INIP: variants seen among roughly 807,000 people sequenced by gnomAD.
The protein encoded by INIP is INTS3 and NABP interacting protein.
In INIP, 9 loss-of-function variants were observed where a neutral mutation model predicts 14.0. The ratio of observed to expected loss-of-function variants is 0.64; its 90% CI spans 0.39 to 1.12. The LOEUF (loss-of-function observed/expected upper bound fraction) is 1.12. Among genes scored for constraint, INIP ranks in the 50% most tolerant of loss-of-function variants. The pLI, the probability that INIP is intolerant of heterozygous loss-of-function variation, is 0.01. For missense variants in INIP, 78 were observed against 122.7 expected (o/e 0.64, Z 1.72); for synonymous variants, 37 against 41.5 (o/e 0.89, Z 0.41).
At chr9:112,717,336 T>C (rs1838856926) in intron 1 of INIP, among the ~76,000 whole-genome samples, 1 of 152,186 alleles carries the variant, frequency 6.6e-6, no homozygotes, top group African/African-American at 2.4e-5. Flanking sequence ...AGTTCCTTTA[T>C]TTATTTATCA....
rs1317357624 is a variant in INIP, at chr9:112,686,587, C to T, written c.*951G>A. ...TCTCAGCTCACTGCAACCCCTGCCT[C>T]CCAGGTTCAAGCGATTCTCCTGCCT... On this transcript the variant is annotated 3_prime_UTR_variant, in exon 5 of 5. Coordinates refer to ENST00000374242, the MANE Select transcript of INIP (RefSeq NM_021218.3). 1 of 152,276 alleles carries T rather than the reference C, an allele frequency of 6.6e-6. No individual in the cohort carries two copies. The highest frequency in any genetic ancestry group is 1.5e-5 in the Non-Finnish European group (1 of 68,104). 9.4% of individuals were successfully genotyped at this position (152,276 alleles called of 1,614,324 possible).
chr9:112,709,322 G>A (rs968825606), intron 2 of INIP, among the ~76,000 whole-genome samples: 1 of 152,040 alleles, frequency 6.6e-6, no homozygotes, highest in African/African-American at 2.4e-5. Flanking sequence ...GCGCCCAGTG[G>A]TTTCCTATCA....
chr9:112,700,588 T>C (rs950597978), intron 2 of INIP, among the ~76,000 whole-genome samples: 21 of 148,228 alleles, frequency 1.4e-4, no homozygotes, highest in Non-Finnish European at 2.5e-4. Flanking sequence ...GAATATTATA[T>C]AAACATAACT....
In INIP at chr9:112,687,648, A is replaced by T. The variant is rs1242592993; in HGVS notation, c.220-15T>A. The stretch of plus-strand genomic sequence containing the variant: ...GCATGAGCATGCTGGGAAAGATTAA[A>T]AACAAAAAGGCAATTAAGCTATTAA... On this transcript the variant is annotated splice_polypyrimidine_tract_variant and intron_variant, in intron 4 of 4. Coordinates refer to ENST00000374242, the MANE Select transcript of INIP (RefSeq NM_021218.3). 4 of 1,459,834 alleles carry T rather than the reference A, an allele frequency of 2.7e-6. No homozygotes were observed. In the South Asian group the frequency reaches 5.3e-5, roughly 19 times the overall value. 90.4% of individuals were successfully genotyped at this position (1,459,834 alleles called of 1,614,324 possible).
chr9:112,686,425 G>C lies in INIP; in HGVS notation c.*1113C>G, dbSNP rs569276886. On this transcript the variant is annotated 3_prime_UTR_variant, in exon 5 of 5. Coordinates refer to ENST00000374242, the MANE Select transcript of INIP (RefSeq NM_021218.3). ...AGCACCCCAGATACTGCTAAAGATG[G>C]GTCATGTTGAGAGACTTTCTTAACC... is the stretch of plus-strand genomic sequence containing the variant. 6.6e-6 allele frequency: 1 copy of C among 152,112 alleles called. No individual in the cohort carries two copies. Among genetic ancestry groups the C allele is most frequent in the Non-Finnish European group, 1.5e-5 (1 of 68,022 alleles). 9.4% of individuals were successfully genotyped at this position (152,112 alleles called of 1,614,324 possible). A position where few individuals can be genotyped will look rare whatever the true frequency, so the allele number is the denominator to read the frequency against.
At chr9:112,703,132 T>G (rs147962621) in intron 2 of INIP, among the ~76,000 whole-genome samples, 13 of 152,264 alleles carry the variant, frequency 8.5e-5, no homozygotes, top group African/African-American at 3.1e-4. Context: ...GCCAAGAACT[T>G]TGCCAACTAG....
intron 2 of INIP, among the ~76,000 whole-genome samples, chr9:112,698,303 CAAAAAA>C (rs755265359): frequency 2.5e-4 from 11 of 43,674 alleles, no homozygotes; most frequent in South Asian, 2.3e-3. Flanking sequence ...GACTCTGTCT[CAAAAAA>C]AAAAAAAAAA....
rs1837997130 is a variant in INIP at position 112,694,159 on chromosome 9, G to A, written c.100C>T (p.Gln34Ter). ...KEKRKLLMQN[Q>*]SSTNHPGASI... Reference sequence around the variant, plus strand: ...GCTCCAGGATGATTTGTTGAAGACTGGTTCTGCATAAGTAGTTTTCTTTTC... The same window carrying A: ...GCTCCAGGATGATTTGTTGAAGACTAGTTCTGCATAAGTAGTTTTCTTTTC... Residue 34 changes from glutamine to a stop codon, truncating the protein, a stop_gained, in exon 3 of 5, where the codon CAG becomes TAG. Transcript: ENST00000374242. LOFTEE classifies it high-confidence loss of function. 6.2e-7 allele frequency: 1 copy of A among 1,609,102 alleles called. No homozygotes were observed. The highest frequency in any genetic ancestry group is 8.5e-7 in the Non-Finnish European group (1 of 1,177,430).
intron 2 of INIP, among the ~76,000 whole-genome samples, chr9:112,703,135 C>T (rs192546704): frequency 1.4e-4 from 22 of 152,142 alleles, no homozygotes; most frequent in Middle Eastern, 3.4e-3. Context: ...AAGAACTTTG[C>T]CAACTAGTGA....
Position 112,701,023 on chromosome 9 carries a change from T to C in INIP, c.26-6790A>G, listed in dbSNP as rs923411862. Among the ~76,000 whole-genome samples, 5 of 152,166 alleles carry C rather than the reference T, an allele frequency of 3.3e-5. 1 individual carries two copies. Among genetic ancestry groups the C allele is most frequent in the Admixed American group, 1.3e-4 (2 of 15,268 alleles). On this transcript the variant is annotated intron_variant, in intron 2 of 4. Coordinates refer to ENST00000374242, the MANE Select transcript of INIP (RefSeq NM_021218.3). Reference sequence around the variant, plus strand: ...ACTGTTAGTCAACTATATATTAATATGGTTATAAAAGCAGCCCACTGGCCA... The same window carrying C: ...ACTGTTAGTCAACTATATATTAATACGGTTATAAAAGCAGCCCACTGGCCA...
chr9:112,712,864 C>T (rs958055178), intron 2 of INIP, among the ~76,000 whole-genome samples: 1 of 152,156 alleles, frequency 6.6e-6, no homozygotes, highest in Non-Finnish European at 1.5e-5. Context: ...CATCAACCTA[C>T]AGATCCAAAA....
In INIP at chr9:112,691,173, A is replaced by G. The variant is rs1395513065; in HGVS notation, c.129-1556T>C. 3.7e-4 allele frequency among the ~76,000 whole-genome samples: 57 copies of G among 152,246 alleles called. 1 individual carries two copies. The highest frequency in any genetic ancestry group is 2.9e-5 in the Non-Finnish European group (2 of 68,040). On this transcript the variant is annotated intron_variant, in intron 3 of 4. Transcript: ENST00000374242. The stretch of plus-strand genomic sequence containing the variant: ...CAAGAAATGAGAGTGGCCAGGAATC[A>G]GGATAGCATCAGTAGCAATGAAGGA...
intron 2 of INIP, among the ~76,000 whole-genome samples, chr9:112,699,059 T>G (rs1838197117): frequency 6.6e-6 from 1 of 152,222 alleles, no homozygotes; most frequent in Non-Finnish European, 1.5e-5. Context: ...GGTTCACACC[T>G]GTAATCTCAG....
chr9:112,688,601 A>T (rs1224271826), intron 4 of INIP, among the ~76,000 whole-genome samples: 1 of 152,002 alleles, frequency 6.6e-6, no homozygotes, highest in Non-Finnish European at 1.5e-5. Context: ...TGGGAGGATC[A>T]TTTGAGGCCA....
intron 2 of INIP, among the ~76,000 whole-genome samples, chr9:112,705,061 T>C (rs1838413946): frequency 7.4e-6 from 1 of 134,470 alleles, no homozygotes; most frequent in Non-Finnish European, 1.5e-5. Context: ...CAGTGAGCCA[T>C]GACTGTGCCA....
At chr9:112,710,697 C>T (rs371265609) in intron 2 of INIP, among the ~76,000 whole-genome samples, 8 of 152,318 alleles carry the variant, frequency 5.3e-5, no homozygotes, top group African/African-American at 1.9e-4. Context: ...GAATTGTTCT[C>T]TACACCAGAC....
At chr9:112,695,620 C>G (rs914961208) in intron 2 of INIP, among the ~76,000 whole-genome samples, 1 of 152,052 alleles carries the variant, frequency 6.6e-6, no homozygotes, top group African/African-American at 2.4e-5. Flanking sequence ...CTGGCACATT[C>G]ATTTCTATCA....
intron 2 of INIP, among the ~76,000 whole-genome samples, chr9:112,716,226 C>G (rs1196204479): frequency 2.0e-5 from 3 of 152,130 alleles, no homozygotes; most frequent in Non-Finnish European, 2.9e-5. Flanking sequence ...GTGCCCGCCA[C>G]CATGCCCAGC....
chr9:112,687,590 G>T lies in INIP; in HGVS notation c.263C>A (p.Ser88Tyr), dbSNP rs1229653340. 3 of 1,609,762 alleles carry T rather than the reference G, an allele frequency of 1.9e-6. No individual in the cohort carries two copies. In the African/African-American group the frequency reaches 4.0e-5, roughly 21 times the overall value. ...HSSGYFITQDSAFGNLILPVL... is the reference protein window; with the variant it reads ...HSSGYFITQDYAFGNLILPVL... ...AGGAAGAATAAGGTTCCCAAATGCAGAGTCTTGAGTGATGAAGTATCCAGA... is the reference window on the plus strand; with the variant it reads ...AGGAAGAATAAGGTTCCCAAATGCATAGTCTTGAGTGATGAAGTATCCAGA... The change falls in exon 5 of 5, where the codon TCT becomes TAT. Residue 88 changes from serine (S) to tyrosine (Y), a missense_variant. Coordinates refer to ENST00000374242, the MANE Select transcript of INIP (RefSeq NM_021218.3).
Sources: gnomAD v4.1 joint callset for allele counts (sites outside exome capture counted in the v4.1 genomes callset) on GRCh38, gnomAD v4.1.1 for gene constraint, MANE v1.5 for transcripts, NCBI Gene and HGNC (gene_info 2026-07-23, HGNC 2026-07-21) for gene names.